The following GUCD1 variants were observed in gnomAD, a reference collection of about 807,000 sequenced individuals.
GUCD1 encodes the protein protein GUCD1.
A neutral mutation model predicts 28.3 loss-of-function variants in GUCD1; 17 were observed. The observed-to-expected ratio is 0.60, with a 90% CI of 0.41 to 0.90. The LOEUF (loss-of-function observed/expected upper bound fraction) is 0.90, where lower values mean the gene tolerates loss of function less well. GUCD1 is among the 40% of genes least tolerant of loss of function. The pLI, the probability that GUCD1 is intolerant of heterozygous loss-of-function variation, is 0.00. For missense variants in GUCD1, 279 were observed against 305.5 expected, an observed-to-expected ratio of 0.91 and a Z score of 0.65; for synonymous variants, 129 against 123.3, an observed-to-expected ratio of 1.05 and a Z score of -0.30.
rs9704 is a variant in GUCD1 at position 24,541,002 on chromosome 22, A to G, written c.*2004T>C. ...GTTTCCTTCATACAGCTATTCTAAC[A>G]ATTTTACCAGAACACCACCTGAAGA... is the stretch of plus-strand genomic sequence containing the variant. On this transcript the variant is annotated 3_prime_UTR_variant, in exon 6 of 6. Transcript: ENST00000435822. The G allele has an allele frequency of 0.73, 123,935 of 169,654 alleles. 47,688 individuals are homozygous for G. Among genetic ancestry groups the G allele is most frequent in the East Asian group, 0.85 (4,384 of 5,178 alleles). The allele number at this position is 169,654 out of a possible 1,614,324, so 10.5% of individuals were successfully genotyped here. A position where few individuals can be genotyped will look rare whatever the true frequency, so the allele number is the denominator to read the frequency against.
upstream of GUCD1, chr22:24,555,799 G>A (rs1014176355): frequency 6.5e-7 from 1 of 1,548,768 alleles, no homozygotes; most frequent in South Asian, 1.2e-5. Context: ...CCCAAGGGTC[G>A]TTGCGGCGGC....
At chr22:24,547,823 T>C in intron 3 of GUCD1, 85 bp downstream of exon 3, 1 of 1,436,424 alleles carries the variant, frequency 7.0e-7, no homozygotes, top group Non-Finnish European at 9.7e-7. Context: ...AGCCCTTGAC[T>C]GTTCCCTCTT....
upstream of GUCD1, chr22:24,555,731 C>T: frequency 6.4e-7 from 1 of 1,550,674 alleles, no homozygotes; most frequent in Non-Finnish European, 8.7e-7. Context: ...TGCCGTCCAG[C>T]CTGTCCTTGG....
chr22:24,547,154 G>A, intron 3 of GUCD1, 149 bp from the exon 4 acceptor site: 1 of 640,216 alleles, frequency 1.6e-6, no homozygotes, highest in Non-Finnish European at 2.8e-6. Flanking sequence ...CATGCAGCAA[G>A]CCAGATCAGA....
upstream of GUCD1, chr22:24,555,626 G>C (rs1208087096): frequency 8.4e-6 from 13 of 1,550,544 alleles, no homozygotes; most frequent in African/African-American, 1.4e-5. Context: ...TGGCGGTGCC[G>C]GGATCAACAA....
intron 4 of GUCD1, among the ~76,000 whole-genome samples, 182 bp from the exon 5 acceptor site, chr22:24,544,265 G>A (rs190470151): frequency 2.7e-4 from 41 of 151,460 alleles, no homozygotes; most frequent in South Asian, 8.3e-4. Flanking sequence ...GCAGGAGACC[G>A]GTGGGGGGGG....
Position 24,540,506 on chromosome 22 carries a change from A to G in GUCD1, c.*2500T>C, listed in dbSNP as rs912228105. The G allele has an allele frequency of 2.0e-5, 3 of 152,258 alleles. No homozygotes were observed. The highest frequency in any genetic ancestry group is 3.9e-4 in the East Asian group (2 of 5,192). 9.4% of individuals were successfully genotyped at this position (152,258 alleles called of 1,614,324 possible). A position where few individuals can be genotyped will look rare whatever the true frequency, so the allele number is the denominator to read the frequency against. The stretch of plus-strand genomic sequence containing the variant: ...ACAAAATATATATAAAATCTCTGCA[A>G]TGCAAAAGATCCCTTTCATCCCCGT... On this transcript the variant is annotated 3_prime_UTR_variant, in exon 6 of 6. Coordinates refer to ENST00000435822, the MANE Select transcript of GUCD1 (RefSeq NM_001284254.2).
intron 4 of GUCD1, among the ~76,000 whole-genome samples, chr22:24,545,827 G>A (rs1221389974): frequency 4.0e-5 from 6 of 151,814 alleles, no homozygotes; most frequent in South Asian, 4.2e-4. Context: ...TCCTAACCTC[G>A]TGATCCGCCC....
upstream of GUCD1, chr22:24,555,530 G>A: frequency 6.9e-7 from 1 of 1,445,038 alleles, no homozygotes; most frequent in Non-Finnish European, 9.5e-7. Context: ...CTGTCTTTAG[G>A]GATAACCCTG....
chr22:24,549,426 A>G (rs879942442), intron 1 of GUCD1, among the ~76,000 whole-genome samples: 2 of 152,084 alleles, frequency 1.3e-5, no homozygotes, highest in African/African-American at 2.4e-5. Flanking sequence ...TGCCCCTCTC[A>G]GGCCCAGTGA....
At position 24,555,070 on chromosome 22, in the gene GUCD1, G is replaced by T. The variant is rs1224237489; in HGVS notation, c.-79C>A. On this transcript the variant is annotated 5_prime_UTR_variant, in exon 1 of 6. Transcript: ENST00000435822. ...CCGCTTCGGCTGGGGCGGGAGGGCG[G>T]TCGGTGCGTGTCGAGTTCCTTCTCC... The T allele has an allele frequency of 7.5e-7, 1 of 1,332,784 alleles. No individual in the cohort carries two copies. The highest frequency in any genetic ancestry group is 4.0e-5 in the Admixed American group (1 of 25,108). The allele number at this position is 1,332,784 out of a possible 1,614,324, so 82.6% of individuals were successfully genotyped here. A position where few individuals can be genotyped will look rare whatever the true frequency, so the allele number is the denominator to read the frequency against.
At chr22:24,549,508 G>A in intron 1 of GUCD1, among the ~76,000 whole-genome samples, 1 of 152,054 alleles carries the variant, frequency 6.6e-6, no homozygotes, top group Non-Finnish European at 1.5e-5. Flanking sequence ...GAGGAGGAGG[G>A]ACAGAGTCTT....
At chr22:24,549,537 G>T (rs1033084511) in intron 1 of GUCD1, among the ~76,000 whole-genome samples, 2 of 151,986 alleles carry the variant, frequency 1.3e-5, no homozygotes, top group Non-Finnish European at 2.9e-5. Context: ...TTTTCAACAG[G>T]GTCTTGCTCT....
rs921280326 is a variant in GUCD1 at position 24,542,118 on chromosome 22, CT to C, written c.*887del. ...AGCTGCAGGCTGCCCCAGCCCGTTG[CT>C]TTGGAGCACAGGCCTTAGCAGCCAA... is the stretch of plus-strand genomic sequence containing the variant. On this transcript the variant is annotated 3_prime_UTR_variant, in exon 6 of 6. Coordinates refer to ENST00000435822, the MANE Select transcript of GUCD1 (RefSeq NM_001284254.2). The C allele has an allele frequency of 6.6e-6, 1 of 152,312 alleles. No individual in the cohort carries two copies. Among genetic ancestry groups the C allele is most frequent in the Non-Finnish European group, 1.5e-5 (1 of 68,086 alleles). The allele number at this position is 152,312 out of a possible 1,614,324, so 9.4% of individuals were successfully genotyped here.
chr22:24,543,095 T>C lies in GUCD1; in HGVS notation c.631A>G (p.Met211Val), dbSNP rs1320488935. Reference protein sequence around the residue: ...FYNNPAYADRMCSTSISNFEE... With the variant: ...FYNNPAYADRVCSTSISNFEE... ...AAGTTACTGATGCTGGTGCTGCACA[T>C]TCCTGCTGGGGGTGGGGAAGGCAGA... Residue 211 changes from methionine (M) to valine (V), a missense_variant and splice_region_variant, in exon 6 of 6, where the codon ATG (methionine) becomes GTG (valine). By Grantham distance (21) the Met-to-Val change is conservative. Transcript: ENST00000435822. The C allele has an allele frequency of 1.2e-6, 2 of 1,613,058 alleles. No homozygotes were observed. The highest frequency in any genetic ancestry group is 1.1e-5 in the South Asian group (1 of 91,068).
At chr22:24,550,057 C>T (rs1444823091) in intron 1 of GUCD1, among the ~76,000 whole-genome samples, 1 of 152,230 alleles carries the variant, frequency 6.6e-6, no homozygotes, top group Non-Finnish European at 1.5e-5. Context: ...CTCGGTCTGT[C>T]TTTGCCAGGC....
chr22:24,547,979 T>C lies in GUCD1; in HGVS notation c.223A>G (p.Met75Val). ...SIWTIDLAYL[M>V]HHFGVRHRFC... ...CGGTGCCTCACGCCAAAGTGGTGCA[T>C]CAGGTAGGCCAGGTCGATGGTCCAG... The change falls in exon 3 of 6, where the codon ATG becomes GTG. Residue 75 changes from methionine to valine, a missense_variant. Physicochemically the swap from Met to Val is conservative, Grantham distance 21. Transcript: ENST00000435822. 6.2e-7 allele frequency: 1 copy of C among 1,614,142 alleles called. No homozygotes were observed. Among genetic ancestry groups the C allele is most frequent in the Non-Finnish European group, 8.5e-7 (1 of 1,179,992 alleles).
rs533960329 is a variant in GUCD1 at position 24,542,890 on chromosome 22, G to A, written c.*116C>T. 60 of 736,888 alleles carry A rather than the reference G, an allele frequency of 8.1e-5. 1 individual carries two copies. The South Asian group carries it at 8.8e-4, about 11-fold the overall frequency. 45.6% of individuals were successfully genotyped at this position (736,888 alleles called of 1,614,324 possible). A position where few individuals can be genotyped will look rare whatever the true frequency, so the allele number is the denominator to read the frequency against. On this transcript the variant is annotated 3_prime_UTR_variant, in exon 6 of 6. Transcript: ENST00000435822. ...CCTGGGACTCTGCCAGATGGGCTGA[G>A]GCTGCAGTTCCACATTCCAACCCCA... is the stretch of plus-strand genomic sequence containing the variant.
chr22:24,551,442 A>T (rs1315685435), intron 1 of GUCD1, among the ~76,000 whole-genome samples: 1 of 152,186 alleles, frequency 6.6e-6, no homozygotes, highest in Non-Finnish European at 1.5e-5. Context: ...TGCTCTTGGA[A>T]TAAGGTTCTC....
Sources: gnomAD v4.1 joint callset for allele counts (sites outside exome capture counted in the v4.1 genomes callset) on GRCh38, gnomAD v4.1.1 for gene constraint, MANE v1.5 for transcripts, NCBI Gene and HGNC (gene_info 2026-07-23, HGNC 2026-07-21) for gene names.